LIPI: variants seen among roughly 807,000 people sequenced by gnomAD.
The protein encoded by LIPI is lipase I, also known as lipase member I.
Under a neutral mutation model 50.6 loss-of-function variants are expected in LIPI, and 59 were observed. The observed-to-expected ratio is 1.16, with a 90% confidence interval of 0.94 to 1.45. The LOEUF is 1.45. Among genes scored for constraint, LIPI ranks in the 40% most tolerant of loss-of-function variants. LIPI has a pLI of 0.00. For missense variants in LIPI, 586 were observed against 536.3 expected, an observed-to-expected ratio of 1.09 and a Z score of -0.92; for synonymous variants, 203 against 178.2, an observed-to-expected ratio of 1.14 and a Z score of -1.11.
intron 4 of LIPI, among the ~76,000 whole-genome samples, chr21:14,173,718 T>C (rs2018999141): frequency 6.6e-6 from 1 of 151,880 alleles, no homozygotes; most frequent in Admixed American, 6.6e-5. Flanking sequence ...TAACAGAACC[T>C]CTAATGAGTT....
intron 1 of LIPI, among the ~76,000 whole-genome samples, chr21:14,204,941 C>T (rs530002682): frequency 6.6e-6 from 1 of 151,466 alleles, no homozygotes; most frequent in Non-Finnish European, 1.5e-5. Flanking sequence ...TAAAGAAACA[C>T]TATAAACTAG....
chr21:14,125,022 T>C (rs1207307420), intron 9 of LIPI, among the ~76,000 whole-genome samples: 2 of 152,090 alleles, frequency 1.3e-5, no homozygotes, highest in African/African-American at 4.8e-5. Context: ...ACTAGAATTA[T>C]ATACCCAGAG....
At chr21:14,120,186 T>G (rs940680351) in intron 9 of LIPI, among the ~76,000 whole-genome samples, 1 of 152,128 alleles carries the variant, frequency 6.6e-6, no homozygotes, top group Non-Finnish European at 1.5e-5. Context: ...ACCCAGATGT[T>G]GAATATTTTA....
At chr21:14,137,902 G>A (rs976933116) in intron 9 of LIPI, among the ~76,000 whole-genome samples, 5 of 152,144 alleles carry the variant, frequency 3.3e-5, no homozygotes, top group Middle Eastern at 3.2e-3. Flanking sequence ...CAGTACTCCT[G>A]GTGCCAGACT....
At chr21:14,155,971 A>C (rs1018578537) in intron 7 of LIPI, among the ~76,000 whole-genome samples, 2 of 152,004 alleles carry the variant, frequency 1.3e-5, no homozygotes, top group African/African-American at 4.8e-5. Flanking sequence ...TGAAACAAAA[A>C]TTTTTACACA....
intron 8 of LIPI, among the ~76,000 whole-genome samples, chr21:14,150,775 A>C (rs1460991029): frequency 6.6e-6 from 1 of 152,176 alleles, no homozygotes; most frequent in African/African-American, 2.4e-5. Flanking sequence ...AGGGCCGAAA[A>C]GTTTCTCTCA....
intron 7 of LIPI, among the ~76,000 whole-genome samples, chr21:14,154,158 A>G (rs989641435): frequency 7.6e-6 from 1 of 130,856 alleles, no homozygotes; most frequent in African/African-American, 2.6e-5. Flanking sequence ...AGACTGGAAA[A>G]TAACAATATA....
rs756197762 is a variant in LIPI at position 14,165,364 on chromosome 21, G to T, written c.760C>A (p.Gln254Lys). The change falls in exon 6 of 10, where the codon CAG (glutamine) becomes AAG (lysine). Residue 254 changes from glutamine to lysine, a missense_variant. By Grantham distance (53) the Gln-to-Lys change is moderately conservative. Transcript: ENST00000681601. ...GCCATGAACAAGTGAACTGCTCTCT[G>T]GTGGTTGCATTTAATGAATTGAATT... ...SGIQFIKCNH[Q>K]RAVHLFMASL... The T allele has an allele frequency of 2.7e-5, 43 of 1,611,816 alleles. No individual in the cohort carries two copies. The highest frequency in any genetic ancestry group is 1.1e-5 in the Non-Finnish European group (13 of 1,178,608).
At chr21:14,147,344 AT>A (rs2017943527) in intron 8 of LIPI, among the ~76,000 whole-genome samples, 1 of 152,080 alleles carries the variant, frequency 6.6e-6, no homozygotes, top group Non-Finnish European at 1.5e-5. Context: ...TACTTATATA[AT>A]TTTATAATTA....
chr21:14,159,587 A>C (rs2018392958), intron 7 of LIPI, among the ~76,000 whole-genome samples: 1 of 151,278 alleles, frequency 6.6e-6, no homozygotes, highest in Non-Finnish European at 1.5e-5. Flanking sequence ...TCTAAGGCAA[A>C]GGTATCTGTG....
chr21:14,169,529 C>A (rs895418609), intron 4 of LIPI, among the ~76,000 whole-genome samples: 4 of 152,176 alleles, frequency 2.6e-5, no homozygotes, highest in African/African-American at 9.7e-5. Context: ...GACCACAGTG[C>A]AATCAAACTA....
intron 9 of LIPI, among the ~76,000 whole-genome samples, chr21:14,117,815 C>T (rs2016711110): frequency 6.6e-6 from 1 of 151,908 alleles, no homozygotes. Context: ...CAGGTGGCAA[C>T]CAAAGTGTTT....
chr21:14,115,034 C>G (rs2016570027), intron 9 of LIPI, among the ~76,000 whole-genome samples: 1 of 152,116 alleles, frequency 6.6e-6, no homozygotes, highest in Non-Finnish European at 1.5e-5. Flanking sequence ...ATGAATTTTA[C>G]AAGTATAATC....
chr21:14,183,522 A>G (rs2019346686), intron 3 of LIPI, among the ~76,000 whole-genome samples: 2 of 152,208 alleles, frequency 1.3e-5, no homozygotes, highest in Admixed American at 1.3e-4. Flanking sequence ...AGAAACTACC[A>G]TCAGAGTGAA....
chr21:14,165,367 G>T lies in LIPI; in HGVS notation c.757C>A (p.His253Asn), dbSNP rs1278185309. The change falls in exon 6 of 10, where the codon CAC (histidine) becomes AAC (asparagine). Residue 253 changes from histidine to asparagine, a missense_variant. By Grantham distance (68) the His-to-Asn change is moderately conservative. Coordinates refer to ENST00000681601, the MANE Select transcript of LIPI (RefSeq NM_001302998.2). ...ATGAACAAGTGAACTGCTCTCTGGT[G>T]GTTGCATTTAATGAATTGAATTCCT... ...FSGIQFIKCN[H>N]QRAVHLFMAS... 1 of 1,611,342 alleles carries T rather than the reference G, an allele frequency of 6.2e-7. No homozygotes were observed. Among genetic ancestry groups the T allele is most frequent in the East Asian group, 2.2e-5 (1 of 44,728 alleles).
In LIPI at chr21:14,165,228, C is replaced by G; in HGVS notation, c.896G>C (p.Arg299Pro). The G allele has an allele frequency of 6.2e-7, 1 of 1,604,978 alleles. No homozygotes were observed. The highest frequency in any genetic ancestry group is 8.5e-7 in the Non-Finnish European group (1 of 1,172,278). ...ACTATAATAATCTCTCTTACCCAGC[C>G]GAGGACATGATTTTTCCTTAAAACA... is the stretch of plus-strand genomic sequence containing the variant. ...CDCFKEKSCP[R>P]LGYQAKLFKG... is the part of the protein sequence containing the mutation. The change falls in exon 6 of 10, where the codon CGG becomes CCG. Residue 299 changes from arginine to proline, a missense_variant. By Grantham distance (103) the Arg-to-Pro change is moderately radical. Coordinates refer to ENST00000681601, the MANE Select transcript of LIPI (RefSeq NM_001302998.2).
At chr21:14,127,405 G>T (rs1459361427) in intron 9 of LIPI, among the ~76,000 whole-genome samples, 1 of 152,146 alleles carries the variant, frequency 6.6e-6, no homozygotes, top group Non-Finnish European at 1.5e-5. Flanking sequence ...AGAGAGTTTT[G>T]CTCAACAACC....
intron 2 of LIPI, among the ~76,000 whole-genome samples, chr21:14,187,036 C>A (rs1198683983): frequency 6.6e-6 from 1 of 152,178 alleles, no homozygotes; most frequent in African/African-American, 2.4e-5. Context: ...TTTATCTGAT[C>A]AGGTTGTGTC....
chr21:14,159,266 G>A (rs1250954227), intron 7 of LIPI, among the ~76,000 whole-genome samples: 3 of 151,128 alleles, frequency 2.0e-5, no homozygotes, highest in Non-Finnish European at 4.4e-5. Context: ...AAATATTAAC[G>A]AATGAAATTC....
Sources: gnomAD v4.1 joint callset for allele counts (sites outside exome capture counted in the v4.1 genomes callset) on GRCh38, gnomAD v4.1.1 for gene constraint, MANE v1.5 for transcripts, NCBI Gene and HGNC (gene_info 2026-07-23, HGNC 2026-07-21) for gene names.